BDNF: variants seen among roughly 807,000 people sequenced by gnomAD.
BDNF encodes the protein brain derived neurotrophic factor.
A neutral mutation model predicts 19.5 loss-of-function variants in BDNF; 1 was observed. The ratio of observed to expected loss-of-function variants is 0.05; its 90% confidence interval spans 0.02 to 0.24. The LOEUF (loss-of-function observed/expected upper bound fraction) is 0.24, where lower values mean the gene tolerates loss of function less well. BDNF is among the 10% of genes least tolerant of loss of function. BDNF has a pLI of 1.00. For missense variants in BDNF, 195 were observed against 317.6 expected, an observed-to-expected ratio of 0.61 and a Z score of 2.93; for synonymous variants, 100 against 121.6, an observed-to-expected ratio of 0.82 and a Z score of 1.17.
In BDNF at chr11:27,657,287, C is replaced by G. The variant is rs1852700648; in HGVS notation, c.*534G>C. On this transcript the variant is annotated 3_prime_UTR_variant, in exon 2 of 2. Coordinates refer to ENST00000356660, the MANE Select transcript of BDNF (RefSeq NM_001709.5). This position sits in a 1 kb window ranked among gnomAD's most constrained non-coding sequence, Gnocchi z 5.0. ...AAACAAACAAAAATATACCCCCCATCCCCCATCCCCTAAGCCAGTAAAGCA... is the reference window on the plus strand; with the variant it reads ...AAACAAACAAAAATATACCCCCCATGCCCCATCCCCTAAGCCAGTAAAGCA... The G allele has an allele frequency of 1.0e-6, 1 of 987,284 alleles. No homozygotes were observed. The highest frequency in any genetic ancestry group is 4.7e-5 in the South Asian group (1 of 21,392). 61.2% of individuals were successfully genotyped at this position (987,284 alleles called of 1,614,324 possible).
intron 1 of BDNF, among the ~76,000 whole-genome samples, chr11:27,691,309 G>A (rs1315518986): frequency 2.6e-5 from 4 of 152,114 alleles, no homozygotes; most frequent in Non-Finnish European, 5.9e-5. Context: ...AGTCAATGGA[G>A]AGCCATATCA....
At chr11:27,701,163 G>A (rs1256326772), upstream of BDNF, 7 of 1,204,694 alleles carry the variant, frequency 5.8e-6, no homozygotes, top group South Asian at 3.9e-5. Context: ...ATTGATGAAC[G>A]CCCCCAGATA....
At position 27,655,446 on chromosome 11, in the gene BDNF, T is replaced by G. The variant is rs1852434044; in HGVS notation, c.*2375A>C. 1 of 152,292 alleles carries G rather than the reference T, an allele frequency of 6.6e-6. No individual in the cohort carries two copies. 9.4% of individuals were successfully genotyped at this position (152,292 alleles called of 1,614,324 possible). ...CCTTTAAGTTTGTGATGGGGGGTTGTTTGTTTTAAATTTGTCCCTCAAAAG... is the reference window on the plus strand; with the variant it reads ...CCTTTAAGTTTGTGATGGGGGGTTGGTTGTTTTAAATTTGTCCCTCAAAAG... On this transcript the variant is annotated 3_prime_UTR_variant, in exon 2 of 2. Coordinates refer to ENST00000356660, the MANE Select transcript of BDNF (RefSeq NM_001709.5).
chr11:27,658,499 T>A lies in BDNF; in HGVS notation c.66A>T (p.Lys22Asn). ...YFGCMKAAPM[K>N]EANIRGQGGL... ...CACCTTGTCCTCGGATGTTTGCTTCTTTCATGGGGGCAGCCTTCATGCAAC... is the reference window on the plus strand; with the variant it reads ...CACCTTGTCCTCGGATGTTTGCTTCATTCATGGGGGCAGCCTTCATGCAAC... Residue 22 changes from lysine to asparagine, a missense_variant, in exon 2 of 2, where the codon AAA (lysine) becomes AAT (asparagine). This residue lies in a region of BDNF where 124 missense variants were observed against 155.0 expected (regional missense o/e 0.80). Coordinates refer to ENST00000356660, the MANE Select transcript of BDNF (RefSeq NM_001709.5). The surrounding 1 kb of genome is among the most constrained non-coding windows in gnomAD (Gnocchi z 5.7). 6.2e-7 allele frequency: 1 copy of A among 1,614,198 alleles called. No individual in the cohort carries two copies. The highest frequency in any genetic ancestry group is 8.5e-7 in the Non-Finnish European group (1 of 1,180,050).
chr11:27,698,313 T>A (rs1859426240), intron 1 of BDNF: 1 of 151,490 alleles, frequency 6.6e-6, no homozygotes, highest in African/African-American at 2.4e-5. Context: ...TAGTGATTGT[T>A]TTTAAAAGGT....
chr11:27,672,944 G>T (rs1446193876), intron 1 of BDNF, among the ~76,000 whole-genome samples: 1 of 152,096 alleles, frequency 6.6e-6, no homozygotes, highest in Non-Finnish European at 1.5e-5. Context: ...CAAACACCAA[G>T]AAGTCACCAA....
intron 1 of BDNF, among the ~76,000 whole-genome samples, chr11:27,683,788 A>G (rs1857144605): frequency 6.6e-6 from 1 of 152,162 alleles, no homozygotes; most frequent in Non-Finnish European, 1.5e-5. Flanking sequence ...TACCAGTACC[A>G]TGATGTTTTG....
exon 1 of BDNF, chr11:27,721,519 G>A: frequency 7.7e-7 from 1 of 1,304,372 alleles, no homozygotes; most frequent in Non-Finnish European, 1.1e-6. Flanking sequence ...GAGAAGTTCG[G>A]CTTTGCTCAG....
chr11:27,716,484 C>CACACAT (rs1860521344), intron 1 of BDNF, among the ~76,000 whole-genome samples: 2 of 150,474 alleles, frequency 1.3e-5, no homozygotes, highest in South Asian at 2.1e-4. Flanking sequence ...CACACACACA[C>CACACAT]AGCAGTAGCA....
At chr11:27,709,718 G>A (rs1860252641) in intron 1 of BDNF, among the ~76,000 whole-genome samples, 1 of 152,058 alleles carries the variant, frequency 6.6e-6, no homozygotes, top group South Asian at 2.1e-4. Context: ...ATATCGTAAG[G>A]GCCATATAAT....
chr11:27,663,997 GAAAACAAGCAACAGTACAGAT>G (rs1006335930), intron 1 of BDNF, among the ~76,000 whole-genome samples: 1 of 151,454 alleles, frequency 6.6e-6, no homozygotes, highest in African/African-American at 2.4e-5. Context: ...CCAAAGGTGG[GAAAACAAGCAACAGTACAGAT>G]AATTCAGGCA....
intron 1 of BDNF, among the ~76,000 whole-genome samples, chr11:27,669,034 A>G (rs949748768): frequency 1.3e-5 from 2 of 152,252 alleles, no homozygotes; most frequent in Admixed American, 1.3e-4. Flanking sequence ...AACCGAATCC[A>G]GCAGAACATC....
intron 1 of BDNF, among the ~76,000 whole-genome samples, chr11:27,667,098 G>A (rs1203425818): frequency 6.6e-6 from 1 of 152,222 alleles, no homozygotes; most frequent in Non-Finnish European, 1.5e-5. Flanking sequence ...CCAGAAGAGA[G>A]TGGGGGCCAA....
intron 1 of BDNF, among the ~76,000 whole-genome samples, chr11:27,669,071 T>G (rs370119853): frequency 2.2e-3 from 335 of 152,310 alleles, no homozygotes; most frequent in African/African-American, 7.2e-3. Flanking sequence ...ATGATCAAGT[T>G]GGCTTCATCC....
At chr11:27,700,543 CCCCCGCT>C (rs1379315254), upstream of BDNF, 57 of 839,828 alleles carry the variant, frequency 6.8e-5, no homozygotes, top group East Asian at 5.2e-4. Flanking sequence ...CGCCCCCCGC[CCCCCGCT>C]CCCCGCTCGC....
chr11:27,700,521 C>CGGGGG, upstream of BDNF: 1 of 14,064 alleles, frequency 7.1e-5, no homozygotes, highest in Admixed American at 0.062. Context: ...AACGGCGCCG[C>CGGGGG]CCCCCCCCCC....
At chr11:27,671,213 G>A (rs894014353) in intron 1 of BDNF, among the ~76,000 whole-genome samples, 1 of 151,836 alleles carries the variant, frequency 6.6e-6, no homozygotes, top group African/African-American at 2.4e-5. Context: ...TGTAAATGAC[G>A]AGTTAATGGG....
rs188914022 is a variant in BDNF, at chr11:27,706,824, G to T, written c.3+14588C>A. Among the ~76,000 whole-genome samples the T allele has an allele frequency of 9.9e-5, 15 of 152,244 alleles. 1 individual carries two copies. Among genetic ancestry groups the T allele is most frequent in the Admixed American group, 8.5e-4 (13 of 15,298 alleles). Reference sequence around the variant, plus strand: ...CTTTGCAACTTGGAGACAAAGTAGTGGTTGTTTAATAAAAAGATGAGCCTT... The same window carrying T: ...CTTTGCAACTTGGAGACAAAGTAGTTGTTGTTTAATAAAAAGATGAGCCTT... On this transcript the variant is annotated intron_variant, in intron 1 of 1. Transcript: ENST00000314915.
chr11:27,676,225 T>C (rs893158744), intron 1 of BDNF: 2 of 152,246 alleles, frequency 1.3e-5, no homozygotes, highest in African/African-American at 4.8e-5. Context: ...AGGAATGACC[T>C]CTTGTGTAGA....
Sources: allele counts gnomAD v4.1 joint callset (sites outside exome capture counted in the v4.1 genomes callset), GRCh38; gene constraint gnomAD v4.1.1; regional missense constraint gnomAD v4.1.1; non-coding constraint Gnocchi (gnomAD v3.1); transcripts MANE v1.5; gene names NCBI Gene and HGNC (gene_info 2026-07-23, HGNC 2026-07-21).